Variants in CACNA2D3 observed in about 807,000 individuals in gnomAD.
CACNA2D3 encodes voltage-dependent calcium channel subunit alpha-2/delta-3.
CACNA2D3 carries 60 observed loss-of-function variants against 160.6 expected under a neutral mutation model. The ratio of observed to expected loss-of-function variants is 0.37; its 90% CI spans 0.30 to 0.46. The LOEUF is 0.46. Among genes scored for constraint, CACNA2D3 ranks in the 20% least tolerant of loss-of-function variants. The probability of loss-of-function intolerance (pLI) is 1.00; values close to 1 mark genes in which losing one functional copy is unlikely to be tolerated. For missense variants in CACNA2D3, 1,205 were observed against 1,365.0 expected, an observed-to-expected ratio of 0.88 and a Z score of 1.85; for synonymous variants, 558 against 492.9, an observed-to-expected ratio of 1.13 and a Z score of -1.75.
At chr3:54,933,629 T>C (rs1701260503) in intron 27 of CACNA2D3, among the ~76,000 whole-genome samples, 2 of 152,232 alleles carry the variant, frequency 1.3e-5, no homozygotes, top group African/African-American at 4.8e-5. Context: ...TATTGCATTA[T>C]CTCACTTTAA....
chr3:55,067,721 A>G (rs1704695596), intron 35 of CACNA2D3, among the ~76,000 whole-genome samples: 2 of 150,774 alleles, frequency 1.3e-5, no homozygotes, highest in Non-Finnish European at 3.0e-5. Context: ...CATTAGATAC[A>G]TACATACATA....
At chr3:54,465,722 C>T (rs971569969) in intron 4 of CACNA2D3, among the ~76,000 whole-genome samples, 5 of 152,306 alleles carry the variant, frequency 3.3e-5, no homozygotes, top group Non-Finnish European at 7.4e-5. Context: ...ATTACTTTTG[C>T]ATCAACCTAG....
intron 17 of CACNA2D3, among the ~76,000 whole-genome samples, 177 bp from the exon 18 acceptor site, chr3:54,871,362 C>T (rs1326297222): frequency 5.3e-5 from 8 of 152,144 alleles, no homozygotes; most frequent in Non-Finnish European, 7.4e-5. Context: ...AGGCATCTGA[C>T]CTTGGCTTTC....
intron 13 of CACNA2D3, among the ~76,000 whole-genome samples, chr3:54,791,389 G>T (rs1175562880): frequency 2.6e-5 from 4 of 152,122 alleles, no homozygotes; most frequent in African/African-American, 9.7e-5. Flanking sequence ...AAATATGGAG[G>T]GAAAATAACA....
intron 5 of CACNA2D3, among the ~76,000 whole-genome samples, chr3:54,548,415 C>A (rs2106679009): frequency 6.6e-6 from 1 of 152,206 alleles, no homozygotes; most frequent in Admixed American, 6.5e-5. Context: ...AGGGAGGAGC[C>A]TTTTTCCACC....
At chr3:54,290,891 C>A (rs188636450) in intron 2 of CACNA2D3, among the ~76,000 whole-genome samples, 6 of 151,652 alleles carry the variant, frequency 4.0e-5, no homozygotes, top group Non-Finnish European at 8.8e-5. Context: ...GGGGAACATT[C>A]CACACCGGGG....
intron 3 of CACNA2D3, among the ~76,000 whole-genome samples, chr3:54,341,320 G>C (rs1314678424): frequency 6.6e-6 from 1 of 152,166 alleles, no homozygotes; most frequent in African/African-American, 2.4e-5. Context: ...CCTGATAGTA[G>C]AGCCTCCCGG....
intron 14 of CACNA2D3, among the ~76,000 whole-genome samples, chr3:54,822,695 T>C (rs1295798366): frequency 1.3e-5 from 2 of 152,186 alleles, no homozygotes; most frequent in Non-Finnish European, 2.9e-5. Context: ...TGGAGCTCTG[T>C]TTGGAAGCAA....
At chr3:54,369,348 G>A (rs1698883254) in intron 3 of CACNA2D3, among the ~76,000 whole-genome samples, 1 of 152,116 alleles carries the variant, frequency 6.6e-6, no homozygotes, top group African/African-American at 2.4e-5. Flanking sequence ...CAGTGACAGG[G>A]AGCCGTGGTC....
chr3:55,029,554 A>G (rs1468112329), intron 35 of CACNA2D3, among the ~76,000 whole-genome samples: 3 of 150,236 alleles, frequency 2.0e-5, no homozygotes, highest in Non-Finnish European at 3.0e-5. Flanking sequence ...AGTTTCAGTC[A>G]GGAAAAGTAG....
intron 29 of CACNA2D3, among the ~76,000 whole-genome samples, chr3:54,983,001 T>C (rs1045823901): frequency 6.6e-6 from 1 of 152,156 alleles, no homozygotes; most frequent in Non-Finnish European, 1.5e-5. Context: ...TGCCTTAACT[T>C]TCTGGGAATG....
At chr3:54,954,721 A>T (rs1191073999) in intron 27 of CACNA2D3, among the ~76,000 whole-genome samples, 1 of 152,166 alleles carries the variant, frequency 6.6e-6, no homozygotes, top group Non-Finnish European at 1.5e-5. Context: ...AGAGTCAAAA[A>T]TCCAGAATCT....
At position 54,899,888 on chromosome 3, in the gene CACNA2D3, C is replaced by T; in HGVS notation, c.2449+20C>T. ...TGGCAGGTAAATAATTGATTGAATC[C>T]ATGAAGACAAAGTAAGCATGGCGCC... On this transcript the variant is annotated intron_variant, in intron 27 of 37. Transcript: ENST00000474759. 3.2e-6 allele frequency: 5 copies of T among 1,549,334 alleles called. No individual in the cohort carries two copies. Among genetic ancestry groups the T allele is most frequent in the African/African-American group, 2.7e-5 (2 of 73,914 alleles).
At chr3:54,341,980 T>C (rs1437167763) in intron 3 of CACNA2D3, among the ~76,000 whole-genome samples, 1 of 152,180 alleles carries the variant, frequency 6.6e-6, no homozygotes, top group Non-Finnish European at 1.5e-5. Context: ...TTATTTAATC[T>C]TCAGAACATT....
intron 13 of CACNA2D3, among the ~76,000 whole-genome samples, chr3:54,812,129 G>A (rs1350641450): frequency 6.6e-6 from 1 of 152,120 alleles, no homozygotes; most frequent in Non-Finnish European, 1.5e-5. Context: ...TCACCTTCCT[G>A]GCAGTAGGAT....
At chr3:54,236,521 A>G (rs1039708416) in intron 2 of CACNA2D3, among the ~76,000 whole-genome samples, 2 of 152,184 alleles carry the variant, frequency 1.3e-5, no homozygotes, top group Non-Finnish European at 2.9e-5. Context: ...GTCACTTTTG[A>G]CTGAACAGCA....
intron 2 of CACNA2D3, among the ~76,000 whole-genome samples, chr3:54,135,108 G>T (rs1699791776): frequency 6.6e-6 from 1 of 152,150 alleles, no homozygotes; most frequent in Non-Finnish European, 1.5e-5. Flanking sequence ...TTCACATGGG[G>T]TTGAGGCCCT....
intron 11 of CACNA2D3, among the ~76,000 whole-genome samples, chr3:54,681,402 A>AAG (rs1242455592): frequency 2.2e-5 from 3 of 137,510 alleles, no homozygotes; most frequent in Admixed American, 7.7e-5. Flanking sequence ...AAAAAAAAAA[A>AAG]AAAAAAGGCC....
intron 13 of CACNA2D3, among the ~76,000 whole-genome samples, chr3:54,804,055 G>A (rs560387443): frequency 3.9e-4 from 60 of 152,038 alleles, no homozygotes; most frequent in Non-Finnish European, 4.0e-4. Context: ...CCTGAAGGAA[G>A]CACTAAACAT....
Sources: gnomAD v4.1 joint callset for allele counts (sites outside exome capture counted in the v4.1 genomes callset) on GRCh38, gnomAD v4.1.1 for gene constraint, MANE v1.5 for transcripts, NCBI Gene and HGNC (gene_info 2026-07-23, HGNC 2026-07-21) for gene names.